Variants in PNPLA7 observed in about 807,000 individuals in gnomAD.
The protein encoded by PNPLA7 is patatin like domain 7, lysophospholipase.
PNPLA7 carries 153 observed loss-of-function variants against 161.7 expected under a neutral mutation model. The observed-to-expected ratio is 0.95, with a 90% CI of 0.83 to 1.08. PNPLA7 has a LOEUF of 1.08. Among genes scored for constraint, PNPLA7 ranks in the 50% least tolerant of loss-of-function variants. The probability of loss-of-function intolerance (pLI) is 0.00; values close to 1 mark genes in which losing one functional copy is unlikely to be tolerated. For missense variants in PNPLA7, 1,739 were observed against 1,856.6 expected (o/e 0.94, Z 1.16); for synonymous variants, 809 against 782.1 (o/e 1.03, Z -0.57).
intron 9 of PNPLA7, among the ~76,000 whole-genome samples, chr9:137,522,415 C>A (rs1484444715): frequency 6.6e-6 from 1 of 151,534 alleles, no homozygotes; most frequent in African/African-American, 2.4e-5. Flanking sequence ...TGGTCTCGAT[C>A]TCCTGACCTC....
At chr9:137,538,229 C>T (rs371906875) in intron 8 of PNPLA7, among the ~76,000 whole-genome samples, 1 of 152,322 alleles carries the variant, frequency 6.6e-6, no homozygotes, top group African/African-American at 2.4e-5. Context: ...GGCAGCCTCC[C>T]CAGCACAGGC....
intron 8 of PNPLA7, 139 bp from the exon 9 acceptor site, chr9:137,522,996 G>T: frequency 8.2e-7 from 1 of 1,220,176 alleles, no homozygotes; most frequent in Non-Finnish European, 1.1e-6. Context: ...AGGCTGGGCT[G>T]TGCAAAGTGC....
chr9:137,464,020 AT>A (rs1831344773), intron 28 of PNPLA7, 105 bp downstream of exon 28: 1 of 1,244,654 alleles, frequency 8.0e-7, no homozygotes. Flanking sequence ...ATACGTCTGC[AT>A]CCTTCAGGAG....
At position 137,550,371 on chromosome 9, in the gene PNPLA7, A is replaced by G; in HGVS notation, c.-174T>C. The G allele has an allele frequency of 1.4e-6, 1 of 723,036 alleles. No homozygotes were observed. Among genetic ancestry groups the G allele is most frequent in the Non-Finnish European group, 2.4e-6 (1 of 418,618 alleles). 44.8% of individuals were successfully genotyped at this position (723,036 alleles called of 1,614,324 possible). On this transcript the variant is annotated 5_prime_UTR_variant, in exon 1 of 35. Coordinates refer to ENST00000406427, the MANE Select transcript of PNPLA7 (RefSeq NM_001098537.3). ...CTGAAAAAGTCTGTTCTCCAGGAAG[A>G]AAAGCTGTCTTTTGAGAAGTGTCTG...
At position 137,516,167 on chromosome 9, in the gene PNPLA7, G is replaced by T. The variant is rs148681782; in HGVS notation, c.1085-648C>A. ...GAGGCCTTGCTGCCCTGATTGTCCT[G>T]CTGTGGGCCAAGTGCCTTGAAGGCA... On this transcript the variant is annotated intron_variant, in intron 11 of 34. Transcript: ENST00000406427. Among the ~76,000 whole-genome samples the T allele has an allele frequency of 6.3e-3, 726 of 115,894 alleles. 5 individuals carry two copies. Among genetic ancestry groups the T allele is most frequent in the Non-Finnish European group, 9.3e-3 (544 of 58,580 alleles). The allele number at this position is 115,894 out of a possible 152,430, so 76.0% of individuals were successfully genotyped here.
intron 14 of PNPLA7, among the ~76,000 whole-genome samples, chr9:137,502,902 G>A (rs1254613318): frequency 6.6e-6 from 1 of 151,756 alleles, no homozygotes; most frequent in African/African-American, 2.4e-5. Flanking sequence ...ATCCACCAGT[G>A]ACGTGCTATG....
At chr9:137,508,290 G>A (rs993653147) in intron 12 of PNPLA7, among the ~76,000 whole-genome samples, 5 of 152,124 alleles carry the variant, frequency 3.3e-5, no homozygotes, top group Non-Finnish European at 5.9e-5. Context: ...TGTATCAGCC[G>A]GGCGCGGCAG....
intron 8 of PNPLA7, among the ~76,000 whole-genome samples, chr9:137,535,752 C>CAAAA (rs60744369): frequency 2.0e-5 from 2 of 99,226 alleles, no homozygotes; most frequent in Non-Finnish European, 4.3e-5. Flanking sequence ...GACCCCGTCT[C>CAAAA]AAAAAAAAAA....
chr9:137,484,840 A>G, intron 20 of PNPLA7, 104 bp from the exon 21 acceptor site: 1 of 1,368,970 alleles, frequency 7.3e-7, no homozygotes, highest in Non-Finnish European at 9.6e-7. Context: ...ACGCAGCAGC[A>G]CCAGAGGCCG....
At chr9:137,481,973 C>T (rs775541148) in intron 21 of PNPLA7, among the ~76,000 whole-genome samples, 2 of 152,190 alleles carry the variant, frequency 1.3e-5, no homozygotes, top group African/African-American at 2.4e-5. Context: ...CAATGTGTCT[C>T]GTGCCTTAAC....
intron 26 of PNPLA7, 21 bp from the exon 27 acceptor site, chr9:137,464,477 T>G (rs558019478): frequency 1.2e-6 from 2 of 1,603,044 alleles, no homozygotes; most frequent in East Asian, 4.5e-5. Context: ...ATGTGGAATT[T>G]ACAGAAGGCT....
In PNPLA7 at chr9:137,499,005, T is replaced by G. The variant is rs1018214520; in HGVS notation, c.1758-760A>C. On this transcript the variant is annotated intron_variant, in intron 16 of 34. Transcript: ENST00000406427. The surrounding 1 kb of genome is among the most constrained non-coding windows in gnomAD (Gnocchi z 5.5). ...GGGAGATGGCAAGACAGTGGCTGGG[T>G]GAGGGCGTGAAGGGCGTGAGCGTGG... Among the ~76,000 whole-genome samples, 1 of 150,972 alleles carries G rather than the reference T, an allele frequency of 6.6e-6. No individual in the cohort carries two copies. Among genetic ancestry groups the G allele is most frequent in the Admixed American group, 6.6e-5 (1 of 15,176 alleles).
chr9:137,498,044 C>A, intron 17 of PNPLA7, 70 bp downstream of exon 17: 1 of 1,571,982 alleles, frequency 6.4e-7, no homozygotes, highest in South Asian at 1.2e-5. Flanking sequence ...GGTAACCGTG[C>A]TTTGCCCATC....
In PNPLA7 at chr9:137,523,269, TA is replaced by T. The variant is rs1246474494; in HGVS notation, c.748-413del. 1.3e-5 allele frequency among the ~76,000 whole-genome samples: 2 copies of T among 151,868 alleles called. No individual in the cohort carries two copies. Among genetic ancestry groups the T allele is most frequent in the Non-Finnish European group, 2.9e-5 (2 of 67,952 alleles). On this transcript the variant is annotated intron_variant, in intron 8 of 34. Transcript: ENST00000406427. The surrounding 1 kb of genome is among the most constrained non-coding windows in gnomAD (Gnocchi z 4.4). Reference sequence around the variant, plus strand: ...CAGACACCAACCTGAGCGGGCTTCCTAAAAAGGCCACCGAGAGGGTCAGGAG... The same window carrying T: ...CAGACACCAACCTGAGCGGGCTTCCTAAAAGGCCACCGAGAGGGTCAGGAG...
chr9:137,536,910 C>T (rs924228746), intron 8 of PNPLA7, among the ~76,000 whole-genome samples: 3 of 142,996 alleles, frequency 2.1e-5, no homozygotes, highest in Admixed American at 7.2e-5. Flanking sequence ...TCATCTCCCA[C>T]GACAGGAAGC....
chr9:137,464,129 C>T lies in PNPLA7; in HGVS notation c.3223G>A (p.Asp1075Asn), dbSNP rs4962237. 113,882 of 1,613,168 alleles carry T rather than the reference C, an allele frequency of 0.071. 4,269 individuals carry two copies. Among genetic ancestry groups the T allele is most frequent in the Middle Eastern group, 0.11 (656 of 6,028 alleles). ...CCTGCGCAGCAGGAGTGCTCACCGT[C>T]GGTGTGGACCCGCATGGCCGAGGCT... ...ITASAMRVHT[D>N]GSLWWYVRAS... Residue 1075 changes from aspartate to asparagine, a missense_variant, in exon 28 of 35, where the codon GAC (aspartate) becomes AAC (asparagine). Transcript: ENST00000406427.
intron 25 of PNPLA7, among the ~76,000 whole-genome samples, chr9:137,473,817 T>C (rs1008738260): frequency 6.6e-6 from 1 of 152,080 alleles, no homozygotes; most frequent in Non-Finnish European, 1.5e-5. Flanking sequence ...TCGGTGGGGA[T>C]GTGGGTCACT....
rs376285967 is a variant in PNPLA7 at position 137,547,704 on chromosome 9, C to T, written c.31-45G>A. On this transcript the variant is annotated intron_variant, in intron 1 of 34. Transcript: ENST00000406427. This position sits in a 1 kb window ranked among gnomAD's most constrained non-coding sequence, Gnocchi z 4.6. ...GTCAGGTGGGCATGGACAGGCTTCCCAGCCCGAACTTGTTCAGAGCAGCAG... is the reference window on the plus strand; with the variant it reads ...GTCAGGTGGGCATGGACAGGCTTCCTAGCCCGAACTTGTTCAGAGCAGCAG... 219 of 1,580,016 alleles carry T rather than the reference C, an allele frequency of 1.4e-4. 1 individual carries two copies. The highest frequency in any genetic ancestry group is 1.0e-3 in the South Asian group (91 of 90,428).
chr9:137,508,068 C>T (rs939604283), intron 12 of PNPLA7, among the ~76,000 whole-genome samples: 9 of 151,814 alleles, frequency 5.9e-5, no homozygotes, highest in Admixed American at 6.6e-5. Flanking sequence ...GGGGCCACAC[C>T]TGTGGTCCCA....
Sources: allele counts gnomAD v4.1 joint callset (sites outside exome capture counted in the v4.1 genomes callset), GRCh38; gene constraint gnomAD v4.1.1; non-coding constraint Gnocchi (gnomAD v3.1); transcripts MANE v1.5; gene names NCBI Gene and HGNC (gene_info 2026-07-23, HGNC 2026-07-21).